Variants in SCARB2 observed in about 807,000 individuals in gnomAD.
SCARB2 encodes scavenger receptor class B member 2, also known as lysosome membrane protein 2.
A neutral mutation model predicts 58.6 loss-of-function variants in SCARB2; 29 were observed. That is an observed-to-expected ratio of 0.49 (90% CI 0.37 to 0.67). The LOEUF (loss-of-function observed/expected upper bound fraction) is 0.67, where lower values mean the gene tolerates loss of function less well. Ranked by LOEUF, SCARB2 falls within the 30% of genes least tolerant of loss-of-function variation. The probability of loss-of-function intolerance (pLI) is 0.00; values close to 1 mark genes in which losing one functional copy is unlikely to be tolerated. For synonymous variants in SCARB2, 195 were observed against 210.1 expected (o/e 0.93, Z 0.62); for missense variants, 488 against 578.5 (o/e 0.84, Z 1.60).
intron 1 of SCARB2, among the ~76,000 whole-genome samples, chr4:76,223,060 T>C (rs1317481039): frequency 3.9e-5 from 6 of 152,194 alleles, no homozygotes; most frequent in Non-Finnish European, 8.8e-5. Flanking sequence ...CATATTTTTG[T>C]TCAATATCAA....
At chr4:76,174,031 T>TAGTAGCTGGG in intron 7 of SCARB2, 113 bp downstream of exon 7, 1 of 1,320,422 alleles carries the variant, frequency 7.6e-7, no homozygotes, top group Non-Finnish European at 1.1e-6. Context: ...TCAGCATCCT[T>TAGTAGCTGGG]AGTAGCTGGG....
intron 6 of SCARB2, chr4:76,174,907 C>A (rs1476283151): frequency 1.2e-5 from 2 of 161,004 alleles, no homozygotes; most frequent in African/African-American, 4.8e-5. Context: ...CAAACATAGT[C>A]CCATGTAATA....
intron 11 of SCARB2, 148 bp downstream of exon 11, chr4:76,163,077 C>T: frequency 2.1e-6 from 2 of 958,690 alleles, no homozygotes; most frequent in Admixed American, 2.0e-5. Context: ...TTTGGTCCAG[C>T]AGTAAAATAA....
At chr4:76,176,038 C>T (rs985819981) in intron 5 of SCARB2, 128 bp from the exon 6 acceptor site, 2 of 1,159,580 alleles carry the variant, frequency 1.7e-6, no homozygotes, top group Non-Finnish European at 2.5e-6. Flanking sequence ...TACACAGACA[C>T]AACAGTTTTA....
At chr4:76,225,212 A>G (rs1262086537) in intron 1 of SCARB2, among the ~76,000 whole-genome samples, 3 of 152,110 alleles carry the variant, frequency 2.0e-5, no homozygotes, top group African/African-American at 4.8e-5. Context: ...AGCTGGTTCC[A>G]TATTTTTCCA....
intron 1 of SCARB2, among the ~76,000 whole-genome samples, chr4:76,226,294 G>T (rs575985514): frequency 5.9e-5 from 9 of 152,328 alleles, no homozygotes; most frequent in African/African-American, 1.9e-4. Flanking sequence ...TGAGGACATT[G>T]AGGGTAGAAA....
intron 6 of SCARB2, 180 bp from the exon 7 acceptor site, chr4:76,174,493 T>C (rs1432620556): frequency 1.3e-5 from 8 of 623,782 alleles, no homozygotes; most frequent in Non-Finnish European, 2.3e-5. Flanking sequence ...AGATGAATTG[T>C]AGTGGAAGGT....
At chr4:76,180,629 T>G (rs115440330) in intron 3 of SCARB2, 206 of 162,198 alleles carry the variant, frequency 1.3e-3, no homozygotes, top group African/African-American at 4.7e-3. Context: ...AAGGGGCAAA[T>G]AAACATTTTT....
At chr4:76,166,962 T>C (rs994563118) in intron 9 of SCARB2, 1 of 152,692 alleles carries the variant, frequency 6.5e-6, no homozygotes, top group Non-Finnish European at 1.5e-5. Flanking sequence ...CACCTGGTAT[T>C]AAATCTGGCA....
chr4:76,188,037 T>C (rs1222023925), intron 2 of SCARB2, among the ~76,000 whole-genome samples: 2 of 152,150 alleles, frequency 1.3e-5, no homozygotes, highest in Admixed American at 1.3e-4. Context: ...AAATAAGATA[T>C]TTCACGGGAT....
At chr4:76,204,597 C>T (rs188279207) in intron 1 of SCARB2, among the ~76,000 whole-genome samples, 17 of 152,068 alleles carry the variant, frequency 1.1e-4, no homozygotes, top group Middle Eastern at 3.4e-3. Flanking sequence ...AAGCAGCTAC[C>T]GATAGAAACT....
chr4:76,182,248 A>G (rs1013743996), intron 2 of SCARB2, among the ~76,000 whole-genome samples: 7 of 152,118 alleles, frequency 4.6e-5, no homozygotes, highest in Non-Finnish European at 7.4e-5. Flanking sequence ...TATGTCTGAC[A>G]TGGTAGCCAC....
chr4:76,198,087 G>T (rs923589488), intron 1 of SCARB2, among the ~76,000 whole-genome samples: 1 of 152,098 alleles, frequency 6.6e-6, no homozygotes, highest in African/African-American at 2.4e-5. Flanking sequence ...AGGAGCAGCC[G>T]CCCCCACTCT....
At chr4:76,218,297 C>A (rs561660426), upstream of SCARB2, among the ~76,000 whole-genome samples, 5 of 152,206 alleles carry the variant, frequency 3.3e-5, no homozygotes, top group Non-Finnish European at 7.3e-5. Context: ...AAATCCTGAG[C>A]AATACAGCCT....
chr4:76,207,340 T>C (rs1288087228), intron 1 of SCARB2, among the ~76,000 whole-genome samples: 2 of 152,208 alleles, frequency 1.3e-5, no homozygotes, highest in African/African-American at 2.4e-5. Flanking sequence ...GAAACATAAG[T>C]TCTTTGGGGT....
In SCARB2 at chr4:76,213,553, C is replaced by A. The variant is rs537562228; in HGVS notation, c.-10G>T. ...AGCAGCATCGGCCCATTCTGTGCGC[C>A]GCTCACGGGCCGGGCCGGGCCGCAC... On this transcript the variant is annotated 5_prime_UTR_variant, in exon 1 of 12. Coordinates refer to ENST00000264896, the MANE Select transcript of SCARB2 (RefSeq NM_005506.4). 2.6e-5 allele frequency: 41 copies of A among 1,599,508 alleles called. 1 individual carries two copies. The South Asian group carries it at 4.6e-4, about 18-fold the overall frequency.
intron 8 of SCARB2, among the ~76,000 whole-genome samples, chr4:76,169,341 C>CACACACACAT (rs3217498): frequency 1.3e-5 from 2 of 151,240 alleles, no homozygotes; most frequent in African/African-American, 2.4e-5. Context: ...CACACACACA[C>CACACACACAT]GTGTGTATGT....
Position 76,167,880 on chromosome 4 carries a change from C to G in SCARB2, c.1187+523G>C, listed in dbSNP as rs376540416. Among the ~76,000 whole-genome samples the G allele has an allele frequency of 2.5e-4, 38 of 152,214 alleles. 1 individual carries two copies. The East Asian group carries it at 7.2e-3, about 29-fold the overall frequency. ...TATTTTTAGTAGAGACGAGGTTTCACCATGTTGGCCAGGATGGTCTTGATC... is the reference window on the plus strand; with the variant it reads ...TATTTTTAGTAGAGACGAGGTTTCAGCATGTTGGCCAGGATGGTCTTGATC... On this transcript the variant is annotated intron_variant, in intron 9 of 11. Transcript: ENST00000264896.
intron 8 of SCARB2, among the ~76,000 whole-genome samples, chr4:76,169,429 A>C (rs1449596955): frequency 1.3e-5 from 2 of 152,206 alleles, no homozygotes; most frequent in Non-Finnish European, 2.9e-5. Flanking sequence ...GAAGTTTGCC[A>C]AAAGTGACTG....
Sources: allele counts gnomAD v4.1 joint callset (sites outside exome capture counted in the v4.1 genomes callset), GRCh38; gene constraint gnomAD v4.1.1; transcripts MANE v1.5; gene names NCBI Gene and HGNC (gene_info 2026-07-23, HGNC 2026-07-21).